The following CBLC variants were observed in gnomAD, a reference collection of about 807,000 sequenced individuals.
CBLC encodes the protein E3 ubiquitin-protein ligase CBL-C.
Under a neutral mutation model 58.6 loss-of-function variants are expected in CBLC, and 46 were observed. The observed-to-expected ratio is 0.79, with a 90% CI of 0.62 to 1.00. CBLC has a LOEUF of 1.00. CBLC is among the 50% of genes least tolerant of loss of function. The pLI, the probability that CBLC is intolerant of heterozygous loss-of-function variation, is 0.00. For missense variants in CBLC, 655 were observed against 625.8 expected, an observed-to-expected ratio of 1.05 and a Z score of -0.50; for synonymous variants, 271 against 264.2, an observed-to-expected ratio of 1.03 and a Z score of -0.25.
At chr19:44,790,142 C>T (rs1416266303) in intron 6 of CBLC, 51 bp downstream of exon 6, 1 of 1,420,788 alleles carries the variant, frequency 7.0e-7, no homozygotes, top group African/African-American at 1.4e-5. Context: ...CCTGCCACCC[C>T]CACGTTGCCT....
At chr19:44,791,687 G>A (rs10423426) in intron 6 of CBLC, among the ~76,000 whole-genome samples, 4,506 of 148,902 alleles carry the variant, frequency 0.03, 159 homozygotes, top group African/African-American at 0.082. Context: ...AGCCAAGATC[G>A]CGCCACTGCA....
rs1336993158 is a variant in CBLC at position 44,778,072 on chromosome 19, G to C, written c.141G>C (p.Leu47=). ...LSVSPPSLRD[L]LPRTAQLLRE... ...TGAGTCCCCCTTCGCTGCGGGACCT[G>C]CTGCCCCGCACAGCGCAGCTGCTTC... is the stretch of plus-strand genomic sequence containing the variant. The change falls in exon 1 of 11, where the codon CTG becomes CTC. Residue 47 remains leucine, a synonymous_variant. Transcript: ENST00000647358. 1 of 1,608,378 alleles carries C rather than the reference G, an allele frequency of 6.2e-7. No individual in the cohort carries two copies.
chr19:44,790,661 C>T (rs1461927093), intron 6 of CBLC, among the ~76,000 whole-genome samples: 1 of 152,068 alleles, frequency 6.6e-6, no homozygotes, highest in African/African-American at 2.4e-5. Flanking sequence ...GTTTTGAACT[C>T]CTAGGTTCCA....
chr19:44,795,859 A>G (rs1404866184), intron 9 of CBLC, among the ~76,000 whole-genome samples: 1 of 152,190 alleles, frequency 6.6e-6, no homozygotes, highest in Non-Finnish European at 1.5e-5. Flanking sequence ...TAGGTGCTCA[A>G]TAAATAGATG....
At chr19:44,786,308 A>G (rs970319949) in intron 5 of CBLC, among the ~76,000 whole-genome samples, 6 of 151,624 alleles carry the variant, frequency 4.0e-5, no homozygotes, top group Non-Finnish European at 5.9e-5. Context: ...CACTTTATTC[A>G]AGGCCGGGCG....
chr19:44,784,427 G>A (rs757274646), intron 5 of CBLC, 26 bp downstream of exon 5: 1 of 1,549,528 alleles, frequency 6.5e-7, no homozygotes, highest in South Asian at 1.1e-5. Flanking sequence ...GGTAGGAGGA[G>A]GGTGTCAGCA....
intron 1 of CBLC, among the ~76,000 whole-genome samples, chr19:44,779,051 C>T (rs1027091780): frequency 6.6e-6 from 1 of 152,242 alleles, no homozygotes; most frequent in Non-Finnish European, 1.5e-5. Context: ...TTCCCACTAT[C>T]CCACTATCTC....
At chr19:44,785,010 C>T (rs866553363) in intron 5 of CBLC, among the ~76,000 whole-genome samples, 38 of 106,572 alleles carry the variant, frequency 3.6e-4, no homozygotes, top group African/African-American at 1.4e-3. Flanking sequence ...CTTGCTCTGT[C>T]GCCCTGACTG....
chr19:44,790,861 G>A (rs952489445), intron 6 of CBLC, among the ~76,000 whole-genome samples: 3 of 152,160 alleles, frequency 2.0e-5, no homozygotes, highest in African/African-American at 7.2e-5. Flanking sequence ...CATAATCCCA[G>A]CACTTTGGTA....
At chr19:44,795,220 G>A (rs369095201) in intron 9 of CBLC, among the ~76,000 whole-genome samples, 8 of 149,294 alleles carry the variant, frequency 5.4e-5, no homozygotes, top group Non-Finnish European at 7.4e-5. Flanking sequence ...GCCTCCCAAA[G>A]TGCTGGGATT....
intron 3 of CBLC, among the ~76,000 whole-genome samples, chr19:44,781,595 A>G (rs1423115294): frequency 3.0e-3 from 25 of 8,242 alleles, no homozygotes; most frequent in Middle Eastern, 0.042. Context: ...CTGAGGGAGG[A>G]GGGGGCTGGG....
At chr19:44,783,308 A>G (rs1242656267) in intron 4 of CBLC, among the ~76,000 whole-genome samples, 1 of 152,108 alleles carries the variant, frequency 6.6e-6, no homozygotes, top group African/African-American at 2.4e-5. Context: ...GGAGTTCAAG[A>G]CCAGCCTGGC....
intron 3 of CBLC, 152 bp downstream of exon 3, chr19:44,781,515 G>A: frequency 1.3e-6 from 1 of 768,786 alleles, no homozygotes. Context: ...CTGGGTCTGA[G>A]GGAGGAGGGG....
intron 9 of CBLC, among the ~76,000 whole-genome samples, chr19:44,796,680 C>T (rs1181785972): frequency 3.9e-5 from 6 of 152,060 alleles, no homozygotes; most frequent in Admixed American, 2.6e-4. Flanking sequence ...CCACCGCGCC[C>T]GGCCTACTTA....
intron 9 of CBLC, among the ~76,000 whole-genome samples, chr19:44,794,846 C>G (rs1175193574): frequency 6.6e-6 from 1 of 151,990 alleles, no homozygotes; most frequent in Non-Finnish European, 1.5e-5. Flanking sequence ...TTGGCCTGCA[C>G]AGTCTTTCCT....
In CBLC at chr19:44,782,460, C is replaced by A. The variant is rs141956736; in HGVS notation, c.748C>A (p.Arg250Ser). 6.2e-7 allele frequency: 1 copy of A among 1,613,660 alleles called. No homozygotes were observed. Among genetic ancestry groups the A allele is most frequent in the Non-Finnish European group, 8.5e-7 (1 of 1,179,798 alleles). ...AFLTYDEVQE[R>S]LQACRDKPGS... Reference sequence around the variant, plus strand: ...CCTCACCTATGATGAGGTCCAAGAGCGTCTGCAGGCCTGCAGGGACAAGCC... The same window carrying A: ...CCTCACCTATGATGAGGTCCAAGAGAGTCTGCAGGCCTGCAGGGACAAGCC... Residue 250 changes from arginine (R) to serine (S), a missense_variant, in exon 4 of 11, where the codon CGT becomes AGT. Arg to Ser is a moderately radical substitution (Grantham distance 110, BLOSUM62 -1). Transcript: ENST00000647358.
At chr19:44,782,347 A>ACCCAAGCCCTGC in intron 3 of CBLC, 23 bp from the exon 4 acceptor site, 1 of 1,613,222 alleles carries the variant, frequency 6.2e-7, no homozygotes, top group Non-Finnish European at 8.5e-7. Context: ...TCGCTCCCTG[A>ACCCAAGCCCTGC]CCCAAGCCCT....
chr19:44,784,950 GTTTTTTTTTTTTTTTTTT>G (rs58171575), intron 5 of CBLC, among the ~76,000 whole-genome samples: 3,751 of 34,252 alleles, frequency 0.11, 112 homozygotes, highest in South Asian at 0.32. Flanking sequence ...CTAGACAGGT[GTTTTTTTTTTTTTTTTTT>G]TTTTTTTTTT....
chr19:44,793,081 G>A (rs1377727326), intron 7 of CBLC, among the ~76,000 whole-genome samples: 1 of 152,202 alleles, frequency 6.6e-6, no homozygotes, highest in Non-Finnish European at 1.5e-5. Context: ...GAACCTGGGA[G>A]GCAGAGGTTG....
Sources: gnomAD v4.1 joint callset for allele counts (sites outside exome capture counted in the v4.1 genomes callset) on GRCh38, gnomAD v4.1.1 for gene constraint, MANE v1.5 for transcripts, NCBI Gene and HGNC (gene_info 2026-07-23, HGNC 2026-07-21) for gene names.